Variants in PLCE1 observed in about 807,000 individuals in gnomAD.
PLCE1 encodes 1-phosphatidylinositol 4,5-bisphosphate phosphodiesterase epsilon-1.
A neutral mutation model predicts 242.8 loss-of-function variants in PLCE1; 119 were observed. That is an observed-to-expected ratio of 0.49 (90% confidence interval 0.42 to 0.57). The LOEUF is 0.57. Ranked by LOEUF, PLCE1 falls within the 20% of genes least tolerant of loss-of-function variation. PLCE1 has a pLI of 0.00. For missense variants in PLCE1, 2,441 were observed against 2,788.8 expected (o/e 0.88, Z 2.81); for synonymous variants, 945 against 1,017.4 (o/e 0.93, Z 1.35).
chr10:94,246,314 G>T lies in PLCE1; in HGVS notation c.2789G>T (p.Ser930Ile), dbSNP rs1274092765. 1 of 1,614,206 alleles carries T rather than the reference G, an allele frequency of 6.2e-7. No individual in the cohort carries two copies. The highest frequency in any genetic ancestry group is 8.5e-7 in the Non-Finnish European group (1 of 1,180,034). The change falls in exon 8 of 33, where the codon AGC (serine) becomes ATC (isoleucine). Residue 930 changes from serine to isoleucine, a missense_variant. Physicochemically the swap from Ser to Ile is moderately radical, Grantham distance 142. Transcript: ENST00000371380. Reference sequence around the variant, plus strand: ...CTACTGGGTAATGCTGGATTAAGTAGCCTGACGGAAGGGGTCTTGGATCTT... The same window carrying T: ...CTACTGGGTAATGCTGGATTAAGTATCCTGACGGAAGGGGTCTTGGATCTT... ...FPLLGNAGLS[S>I]LTEGVLDLFA...
chr10:94,043,818 CCTGA>C (rs1564643803), intron 2 of PLCE1, among the ~76,000 whole-genome samples: 3 of 152,104 alleles, frequency 2.0e-5, no homozygotes, highest in Non-Finnish European at 2.9e-5. Context: ...ATGACTCTGG[CCTGA>C]CTAATATTTT....
intron 3 of PLCE1, among the ~76,000 whole-genome samples, chr10:94,169,475 G>A (rs776490556): frequency 1.3e-5 from 2 of 152,134 alleles, no homozygotes; most frequent in Admixed American, 6.5e-5. Context: ...GGTGGGCCTT[G>A]GAGAGGAGGA....
At chr10:94,129,886 A>G (rs1056773094) in intron 2 of PLCE1, among the ~76,000 whole-genome samples, 4 of 152,078 alleles carry the variant, frequency 2.6e-5, no homozygotes, top group African/African-American at 7.2e-5. Flanking sequence ...CTTATTCCCC[A>G]GTTGTTCCCT....
chr10:94,258,964 C>G (rs1265806979), intron 12 of PLCE1, 42 bp downstream of exon 12: 1 of 1,614,044 alleles, frequency 6.2e-7, no homozygotes, highest in African/African-American at 1.3e-5. Context: ...TCAGGCCCCC[C>G]CATTTCTATA....
intron 2 of PLCE1, among the ~76,000 whole-genome samples, chr10:94,097,166 A>G (rs796069445): frequency 4.6e-5 from 7 of 152,300 alleles, no homozygotes; most frequent in African/African-American, 1.7e-4. Flanking sequence ...ACCTATAAAT[A>G]GAGGTTTGTT....
chr10:94,107,213 G>A (rs1417512318), intron 2 of PLCE1: 2 of 152,200 alleles, frequency 1.3e-5, no homozygotes, highest in Admixed American at 6.6e-5. Flanking sequence ...AGCAGTGAGT[G>A]TGATTAAGAA....
chr10:94,319,694 A>G (rs1334660539), intron 29 of PLCE1, among the ~76,000 whole-genome samples: 1 of 152,168 alleles, frequency 6.6e-6, no homozygotes, highest in Non-Finnish European at 1.5e-5. Flanking sequence ...TGACTCAAAG[A>G]AATGATCATG....
At chr10:93,996,034 A>G (rs1037631326) in intron 1 of PLCE1, among the ~76,000 whole-genome samples, 2 of 152,230 alleles carry the variant, frequency 1.3e-5, no homozygotes, top group African/African-American at 4.8e-5. Context: ...ATGGTGGAAG[A>G]GTTTTCTAAA....
At chr10:94,129,242 T>C (rs1049429338) in intron 2 of PLCE1, among the ~76,000 whole-genome samples, 5 of 152,190 alleles carry the variant, frequency 3.3e-5, no homozygotes, top group Admixed American at 3.3e-4. Context: ...GGCAAAGAAA[T>C]GGGAATAAGA....
intron 2 of PLCE1, among the ~76,000 whole-genome samples, chr10:94,049,042 G>T (rs7089545): frequency 0.011 from 1,625 of 152,058 alleles, 18 homozygotes; most frequent in Middle Eastern, 0.044. Context: ...GGGATTATAG[G>T]CATGAGCCAG....
intron 4 of PLCE1, among the ~76,000 whole-genome samples, chr10:94,184,166 A>G (rs1590201852): frequency 1.3e-5 from 2 of 152,334 alleles, no homozygotes; most frequent in East Asian, 3.9e-4. Flanking sequence ...GACAAATGCT[A>G]TAATCCATTC....
At chr10:94,272,578 A>G (rs902466801) in intron 18 of PLCE1, among the ~76,000 whole-genome samples, 26 of 152,230 alleles carry the variant, frequency 1.7e-4, no homozygotes, top group Admixed American at 1.2e-3. Flanking sequence ...AAGAGATTGA[A>G]GTAAAGACAG....
intron 4 of PLCE1, among the ~76,000 whole-genome samples, chr10:94,207,690 G>A (rs2049205378): frequency 6.6e-6 from 1 of 152,034 alleles, no homozygotes; most frequent in Admixed American, 6.5e-5. Context: ...AGGGCTTCTT[G>A]GAGAAAATGG....
At chr10:94,275,939 C>T (rs2051937917) in intron 19 of PLCE1, among the ~76,000 whole-genome samples, 1 of 152,188 alleles carries the variant, frequency 6.6e-6, no homozygotes, top group Non-Finnish European at 1.5e-5. Context: ...GCCCAGCGTT[C>T]CCATTTTTCC....
At chr10:94,250,392 C>T (rs374737518) in intron 8 of PLCE1, among the ~76,000 whole-genome samples, 1 of 151,084 alleles carries the variant, frequency 6.6e-6, no homozygotes, top group South Asian at 2.1e-4. Flanking sequence ...ATCCCAGACA[C>T]CTGGGAATTG....
intron 3 of PLCE1, among the ~76,000 whole-genome samples, chr10:94,152,542 G>A (rs1004463293): frequency 6.6e-6 from 1 of 152,212 alleles, no homozygotes; most frequent in Non-Finnish European, 1.5e-5. Context: ...GGAGTCACCT[G>A]CATGTGATTC....
intron 2 of PLCE1, among the ~76,000 whole-genome samples, chr10:94,106,912 T>TTCTCTCCCTCTCTCTCTCTCTCTCTC (rs2045757667): frequency 5.2e-5 from 2 of 38,734 alleles, no homozygotes; most frequent in Non-Finnish European, 9.9e-5. Context: ...TGTCTCTTGT[T>TTCTCTCCCTCTCTCTCTCTCTCTCTC]TCTCTCTCTC....
intron 2 of PLCE1, among the ~76,000 whole-genome samples, chr10:94,111,289 C>T (rs926849543): frequency 6.6e-6 from 1 of 152,090 alleles, no homozygotes; most frequent in Non-Finnish European, 1.5e-5. Flanking sequence ...CAGCCCCTTG[C>T]GGGCAGAGGT....
chr10:94,324,064 A>G (rs1479981267), intron 30 of PLCE1, among the ~76,000 whole-genome samples: 1 of 152,214 alleles, frequency 6.6e-6, no homozygotes, highest in Non-Finnish European at 1.5e-5. Context: ...ATAGCTGTAT[A>G]TATCCTGGAA....
Sources: allele counts gnomAD v4.1 joint callset (sites outside exome capture counted in the v4.1 genomes callset), GRCh38; gene constraint gnomAD v4.1.1; transcripts MANE v1.5; gene names NCBI Gene and HGNC (gene_info 2026-07-23, HGNC 2026-07-21).